RASGRP3: variants seen among roughly 807,000 people sequenced by gnomAD.
RASGRP3 encodes RAS guanyl releasing protein 3.
Under a neutral mutation model 82.7 loss-of-function variants are expected in RASGRP3, and 54 were observed. The ratio of observed to expected loss-of-function variants is 0.65; its 90% CI spans 0.52 to 0.82. The LOEUF (loss-of-function observed/expected upper bound fraction) is 0.82, where lower values mean the gene tolerates loss of function less well. Ranked by LOEUF, RASGRP3 falls within the 40% of genes least tolerant of loss-of-function variation. The pLI is 0.00. For synonymous variants in RASGRP3, 309 were observed against 300.5 expected (o/e 1.03, Z -0.29); for missense variants, 861 against 828.9 (o/e 1.04, Z -0.48).
chr2:33,519,518 A>G (rs1419737247), intron 4 of RASGRP3, among the ~76,000 whole-genome samples: 1 of 152,108 alleles, frequency 6.6e-6, no homozygotes, highest in African/African-American at 2.4e-5. Context: ...GAGGCAGGAG[A>G]GTGGTGTGAA....
intron 1 of RASGRP3, among the ~76,000 whole-genome samples, chr2:33,442,397 A>G (rs985045993): frequency 6.6e-6 from 1 of 152,150 alleles, no homozygotes; most frequent in African/African-American, 2.4e-5. Context: ...GATAATGGTG[A>G]TTTTGATTTT....
Position 33,524,004 on chromosome 2 carries a change from C to T in RASGRP3, c.642C>T (p.Thr214=), listed in dbSNP as rs763084336. The T allele has an allele frequency of 1.9e-6, 3 of 1,613,792 alleles. No individual in the cohort carries two copies. The highest frequency in any genetic ancestry group is 1.7e-5 in the Admixed American group (1 of 60,006). The part of the protein sequence containing the change: ...WVQLMVLSKP[T]PQQRAEVITK... ...AGTTGATGGTTCTTAGCAAACCAAC[C>T]CCCCAGCAAAGGGCAGAAGTCATCA... The change falls in exon 8 of 18, where the codon ACC becomes ACT. Residue 214 remains threonine, a synonymous_variant. Transcript: ENST00000403687.
At chr2:33,531,818 T>G (rs1259228294) in intron 10 of RASGRP3, 1 of 151,570 alleles carries the variant, frequency 6.6e-6, no homozygotes, top group Non-Finnish European at 1.5e-5. Context: ...ACTGTGTGGC[T>G]TATTTGGATT....
intron 13 of RASGRP3, 112 bp downstream of exon 13, chr2:33,543,739 C>G: frequency 1.4e-6 from 1 of 701,630 alleles, no homozygotes; most frequent in Non-Finnish European, 2.4e-6. Context: ...AACCCTGGTG[C>G]TTTGATGAGC....
intron 14 of RASGRP3, among the ~76,000 whole-genome samples, chr2:33,551,860 G>A (rs987463711): frequency 6.6e-6 from 1 of 152,168 alleles, no homozygotes; most frequent in Non-Finnish European, 1.5e-5. Flanking sequence ...GGGTGTGGTG[G>A]TGGGCGCCTG....
upstream of RASGRP3, among the ~76,000 whole-genome samples, chr2:33,475,809 G>T (rs757738872): frequency 3.3e-5 from 5 of 152,198 alleles, no homozygotes; most frequent in African/African-American, 1.2e-4. Flanking sequence ...GAAAACGGCA[G>T]TTTGCTCCAA....
chr2:33,475,496 T>G (rs1228562798), upstream of RASGRP3, among the ~76,000 whole-genome samples: 1 of 152,240 alleles, frequency 6.6e-6, no homozygotes, highest in Non-Finnish European at 1.5e-5. Context: ...ACAGGCACAT[T>G]ATGGTTCAGA....
chr2:33,546,450 A>C (rs1264946857), intron 13 of RASGRP3, among the ~76,000 whole-genome samples: 1 of 152,022 alleles, frequency 6.6e-6, no homozygotes, highest in Non-Finnish European at 1.5e-5. Flanking sequence ...AAAGTCAAAA[A>C]ATAACAGATG....
intron 10 of RASGRP3, among the ~76,000 whole-genome samples, chr2:33,529,487 C>CAAAAAAAAAAAAAAAAAAAAAAAAAAAAA (rs56664748): frequency 4.9e-4 from 28 of 57,016 alleles, no homozygotes; most frequent in East Asian, 1.0e-3. Context: ...GACTCCATCT[C>CAAAAAAAAAAAAAAAAAAAAAAAAAAAAA]AAAAAAAAAA....
At chr2:33,516,166 T>C (rs1204523115) in intron 3 of RASGRP3, among the ~76,000 whole-genome samples, 1 of 152,024 alleles carries the variant, frequency 6.6e-6, no homozygotes, top group African/African-American at 2.4e-5. Context: ...TCCCAGCACT[T>C]TGGGAGGCTG....
At chr2:33,479,056 A>G (rs4670574) in intron 1 of RASGRP3, among the ~76,000 whole-genome samples, 17,863 of 152,282 alleles carry the variant, frequency 0.12, 1,362 homozygotes, top group East Asian at 0.22. Context: ...GAACCTGTAT[A>G]CATTAAAAAA....
intron 2 of RASGRP3, among the ~76,000 whole-genome samples, chr2:33,449,570 G>A (rs1388769438): frequency 6.6e-6 from 1 of 152,096 alleles, no homozygotes; most frequent in African/African-American, 2.4e-5. Flanking sequence ...GACCATTGTG[G>A]CCAACATGGT....
chr2:33,476,263 T>C (rs1449500729), upstream of RASGRP3: 1 of 152,186 alleles, frequency 6.6e-6, no homozygotes, highest in Non-Finnish European at 1.5e-5. Flanking sequence ...GAGTTGGTGA[T>C]CCTCTCTCTT....
intron 1 of RASGRP3, chr2:33,436,686 C>T (rs180743084): frequency 8.6e-4 from 131 of 152,210 alleles, no homozygotes; most frequent in African/African-American, 2.7e-3. Context: ...ATTTGAGGTC[C>T]GATCCTCATG....
At chr2:33,558,429 A>G in intron 16 of RASGRP3, 93 bp downstream of exon 16, 1 of 1,582,534 alleles carries the variant, frequency 6.3e-7, no homozygotes, top group Non-Finnish European at 8.6e-7. Flanking sequence ...AAACCCGGTC[A>G]GTCACTCTAA....
intron 14 of RASGRP3, among the ~76,000 whole-genome samples, chr2:33,551,311 TCAAAA>T (rs1355094683): frequency 2.0e-5 from 3 of 152,042 alleles, no homozygotes; most frequent in Admixed American, 1.3e-4. Flanking sequence ...AGACTCAGTC[TCAAAA>T]CAAAACAAAA....
chr2:33,548,360 CAAAA>C (rs775598057), intron 13 of RASGRP3, among the ~76,000 whole-genome samples: 2 of 78,720 alleles, frequency 2.5e-5, no homozygotes, highest in Non-Finnish European at 4.6e-5. Flanking sequence ...GACTCCGTCT[CAAAA>C]AAAAAAAAAA....
intron 2 of RASGRP3, among the ~76,000 whole-genome samples, chr2:33,513,541 A>G (rs1383904580): frequency 6.6e-6 from 1 of 152,208 alleles, no homozygotes; most frequent in Non-Finnish European, 1.5e-5. Context: ...TAAAATAGAC[A>G]TTGACTTTAA....
chr2:33,510,323 A>G (rs529663405), intron 1 of RASGRP3, among the ~76,000 whole-genome samples: 2 of 152,320 alleles, frequency 1.3e-5, no homozygotes, highest in South Asian at 2.1e-4. Context: ...ACAATATTTC[A>G]CCTTATAAAT....
Sources: gnomAD v4.1 joint callset for allele counts (sites outside exome capture counted in the v4.1 genomes callset) on GRCh38, gnomAD v4.1.1 for gene constraint, MANE v1.5 for transcripts, NCBI Gene and HGNC (gene_info 2026-07-23, HGNC 2026-07-21) for gene names.